The following NCOR2 variants were observed in gnomAD, a reference collection of about 807,000 sequenced individuals.
NCOR2 encodes the protein CTG repeat protein 26.
In NCOR2, 81 loss-of-function variants were observed where a neutral mutation model predicts 262.9. The observed-to-expected ratio is 0.31, with a 90% CI of 0.26 to 0.37. The LOEUF (loss-of-function observed/expected upper bound fraction) is 0.37, where lower values mean the gene tolerates loss of function less well. Ranked by LOEUF, NCOR2 falls within the 10% of genes least tolerant of loss-of-function variation. NCOR2 has a pLI of 1.00. For synonymous variants in NCOR2, 1,659 were observed against 1,559.3 expected (o/e 1.06, Z -1.51); for missense variants, 3,385 against 3,621.4 (o/e 0.93, Z 1.68).
chr12:124,338,689 C>T (rs1254883405), intron 37 of NCOR2, among the ~76,000 whole-genome samples: 1 of 151,982 alleles, frequency 6.6e-6, no homozygotes, highest in African/African-American at 2.4e-5. Context: ...CTTTTCCTTG[C>T]TGGCCTTGCT....
At chr12:124,546,703 G>A (rs1317292129) in intron 1 of NCOR2, among the ~76,000 whole-genome samples, 4 of 151,728 alleles carry the variant, frequency 2.6e-5, no homozygotes, top group East Asian at 1.9e-4. Context: ...ATGAGCCACC[G>A]CGCCCAGCCA....
intron 16 of NCOR2, among the ~76,000 whole-genome samples, chr12:124,390,180 C>A (rs1450944029): frequency 6.6e-6 from 1 of 152,162 alleles, no homozygotes; most frequent in Non-Finnish European, 1.5e-5. Flanking sequence ...GGTCTCAGTG[C>A]ACTTTTAAGG....
At chr12:124,489,316 T>C (rs1250106730) in intron 1 of NCOR2, among the ~76,000 whole-genome samples, 4 of 152,190 alleles carry the variant, frequency 2.6e-5, no homozygotes, top group Non-Finnish European at 5.9e-5. Context: ...AGCTAAACGC[T>C]CTAAATATAT....
At position 124,437,321 on chromosome 12, in the gene NCOR2, G is replaced by A. The variant is rs551464191; in HGVS notation, c.882+609C>T. On this transcript the variant is annotated intron_variant, in intron 8 of 46. Coordinates refer to ENST00000405201, the Ensembl canonical transcript of NCOR2. ...GAATGGGTGATGGCCACGGCCGCCT[G>A]AAACCACCACCACATGCCTCTGGCA... Among the ~76,000 whole-genome samples, 11 of 152,252 alleles carry A rather than the reference G, an allele frequency of 7.2e-5. No homozygotes were observed. The South Asian group carries it at 2.3e-3, about 32-fold the overall frequency.
At chr12:124,380,179 C>T (rs1279920982) in intron 17 of NCOR2, among the ~76,000 whole-genome samples, 1 of 152,198 alleles carries the variant, frequency 6.6e-6, no homozygotes, top group East Asian at 1.9e-4. Context: ...CCAGGTGGGC[C>T]CCGCCCACCC....
intron 5 of NCOR2, among the ~76,000 whole-genome samples, chr12:124,461,395 C>T (rs1454047124): frequency 6.6e-6 from 1 of 152,242 alleles, no homozygotes; most frequent in African/African-American, 2.4e-5. Flanking sequence ...CGCCAGCCAA[C>T]TGAGATCCGG....
At chr12:124,455,437 G>A (rs2045792648) in intron 6 of NCOR2, among the ~76,000 whole-genome samples, 1 of 152,216 alleles carries the variant, frequency 6.6e-6, no homozygotes, top group Admixed American at 6.5e-5. Flanking sequence ...CGAGGTTCCT[G>A]AGTCCAGCCA....
intron 1 of NCOR2, among the ~76,000 whole-genome samples, chr12:124,522,895 T>C (rs1201517463): frequency 6.6e-6 from 1 of 152,196 alleles, no homozygotes; most frequent in Admixed American, 6.5e-5. Context: ...TGCTAAAAAC[T>C]GGCCCCAAGG....
exon 41 of NCOR2, chr12:124,334,522 G>T: frequency 1.4e-6 from 2 of 1,437,990 alleles, no homozygotes; most frequent in South Asian, 3.1e-5. Flanking sequence ...GGTCCAGGAC[G>T]GGGCAGCTGG....
At chr12:124,347,373 GCAACAA>G in intron 30 of NCOR2, 1 of 173,776 alleles carries the variant, frequency 5.8e-6, no homozygotes. Flanking sequence ...GTCTCAAACA[GCAACAA>G]CAACAACAAA....
chr12:124,430,894 A>C (rs1443531792), intron 8 of NCOR2, 107 bp from the exon 11 acceptor site: 12 of 1,293,446 alleles, frequency 9.3e-6, no homozygotes, highest in Non-Finnish European at 1.2e-5. Flanking sequence ...GTGCGCACAC[A>C]CACAAAGTCA....
At chr12:124,385,514 G>A (rs915991068) in intron 17 of NCOR2, among the ~76,000 whole-genome samples, 11 of 152,192 alleles carry the variant, frequency 7.2e-5, no homozygotes, top group African/African-American at 2.7e-4. Flanking sequence ...GGGGGTGGAG[G>A]GCAGCCTGGC....
At position 124,372,387 on chromosome 12, in the gene NCOR2, C is replaced by T. The variant is rs775633493; in HGVS notation, c.2442G>A (p.Ser814=). 8 of 1,493,100 alleles carry T rather than the reference C, an allele frequency of 5.4e-6. No homozygotes were observed. In the Admixed American group the frequency reaches 6.8e-5, roughly 13 times the overall value. 92.5% of individuals were successfully genotyped at this position (1,493,100 alleles called of 1,614,324 possible). A position where few individuals can be genotyped will look rare whatever the true frequency, so the allele number is the denominator to read the frequency against. Residue 814 remains serine (S), a synonymous_variant, in exon 20 of 47, where the codon TCG becomes TCA. Transcript: ENST00000405201. ...GGACCACAGGAGGAGGTGCAGAGGG[C>T]GATGGGGGTGCTGGTGGGGGCGTAG...
At chr12:124,411,424 T>A (rs958772116) in intron 13 of NCOR2, among the ~76,000 whole-genome samples, 1 of 152,180 alleles carries the variant, frequency 6.6e-6, no homozygotes, top group Non-Finnish European at 1.5e-5. Context: ...CTGGGCTTCC[T>A]TCTTGGACCC....
At chr12:124,410,994 G>A (rs918083918) in intron 13 of NCOR2, among the ~76,000 whole-genome samples, 1 of 149,920 alleles carries the variant, frequency 6.7e-6, no homozygotes, top group African/African-American at 2.5e-5. Context: ...ACCTGGAGGA[G>A]GAAGGGTGAG....
intron 6 of NCOR2, 115 bp from the exon 9 acceptor site, chr12:124,449,982 C>G: frequency 9.9e-7 from 1 of 1,013,106 alleles, no homozygotes; most frequent in Admixed American, 2.4e-5. Context: ...GGTGAGGGCT[C>G]AGCCGCAGGC....
intron 6 of NCOR2, among the ~76,000 whole-genome samples, chr12:124,450,244 T>C (rs2045436771): frequency 1.3e-5 from 2 of 152,326 alleles, no homozygotes; most frequent in East Asian, 1.9e-4. Context: ...TAGCTCACCA[T>C]GGAAACGCGC....
chr12:124,515,218 A>G (rs2049653771), intron 1 of NCOR2, among the ~76,000 whole-genome samples: 1 of 151,950 alleles, frequency 6.6e-6, no homozygotes, highest in African/African-American at 2.4e-5. Flanking sequence ...AAATACAAAC[A>G]TTAGCTGGGC....
At chr12:124,377,374 A>G (rs952641739) in intron 18 of NCOR2, among the ~76,000 whole-genome samples, 2 of 152,244 alleles carry the variant, frequency 1.3e-5, no homozygotes, top group African/African-American at 4.8e-5. Flanking sequence ...CGGTTTCCCC[A>G]TAGAGAAAAC....
Sources: allele counts gnomAD v4.1 joint callset (sites outside exome capture counted in the v4.1 genomes callset), GRCh38; gene constraint gnomAD v4.1.1; transcripts MANE v1.5; gene names NCBI Gene and HGNC (gene_info 2026-07-23, HGNC 2026-07-21).